Variants in BLTP3B observed in about 807,000 individuals in gnomAD.
The protein encoded by BLTP3B is bridge-like lipid transfer protein family member 3B, also known as UHRF1 (ICBP90) binding protein 1-like.
chr12:100,053,391 G>C, the BLTP3B span, among the ~76,000 whole-genome samples: 1 of 152,068 alleles, frequency 6.6e-6, no homozygotes, highest in Non-Finnish European at 1.5e-5. Context: ...CTGGGCAACA[G>C]AGTGAGACTT....
At chr12:100,105,403 T>C in the BLTP3B span, among the ~76,000 whole-genome samples, 1 of 151,888 alleles carries the variant, frequency 6.6e-6, no homozygotes, top group Non-Finnish European at 1.5e-5. Flanking sequence ...AACAATCAAC[T>C]GATCTTTGAC....
At chr12:100,072,915 G>T in the BLTP3B span, 1 of 1,278,026 alleles carries the variant, frequency 7.8e-7, no homozygotes, top group Non-Finnish European at 1.1e-6. Flanking sequence ...ACAAAACTTT[G>T]CTAATGGTTA....
At chr12:100,104,201 T>C in the BLTP3B span, among the ~76,000 whole-genome samples, 8 of 150,558 alleles carry the variant, frequency 5.3e-5, no homozygotes, top group African/African-American at 2.0e-4. Flanking sequence ...AAGTTCTTTT[T>C]TTCTTTTTTT....
chr12:100,074,319 C>T, the BLTP3B span, among the ~76,000 whole-genome samples: 1 of 152,096 alleles, frequency 6.6e-6, no homozygotes, highest in Non-Finnish European at 1.5e-5. Flanking sequence ...AAGAACTGGG[C>T]CAGGCATGAT....
the BLTP3B span, chr12:100,058,984 G>A: frequency 4.1e-5 from 66 of 1,613,932 alleles, no homozygotes; most frequent in East Asian, 3.6e-4. Context: ...AGCTTCTTCC[G>A]CTTCAATCGG....
chr12:100,042,288 C>T, the BLTP3B span, among the ~76,000 whole-genome samples: 3 of 151,916 alleles, frequency 2.0e-5, no homozygotes, highest in African/African-American at 7.3e-5. Context: ...TTTTAAAATT[C>T]ATATGGAATT....
the BLTP3B span, among the ~76,000 whole-genome samples, chr12:100,136,235 C>G: frequency 1.3e-5 from 2 of 151,282 alleles, no homozygotes; most frequent in African/African-American, 4.8e-5. Context: ...ACACCTCAAA[C>G]CTACTCAAGT....
At chr12:100,128,378 G>A in the BLTP3B span, among the ~76,000 whole-genome samples, 5 of 152,000 alleles carry the variant, frequency 3.3e-5, no homozygotes, top group Admixed American at 2.0e-4. Context: ...ACTACAGGGC[G>A]AGACTCAGTC....
the BLTP3B span, among the ~76,000 whole-genome samples, chr12:100,134,510 G>A: frequency 3.9e-5 from 6 of 152,064 alleles, no homozygotes; most frequent in Non-Finnish European, 7.4e-5. Context: ...CCAGCCACTC[G>A]GGAGGCTGAG....
the BLTP3B span, among the ~76,000 whole-genome samples, chr12:100,057,035 T>A: frequency 6.6e-6 from 1 of 152,156 alleles, no homozygotes; most frequent in Non-Finnish European, 1.5e-5. Context: ...TGTCTCTCAA[T>A]AAAATGGGAA....
chr12:100,059,264 AATTTCATGC>A, the BLTP3B span: 1 of 1,613,874 alleles, frequency 6.2e-7, no homozygotes, highest in Non-Finnish European at 8.5e-7. Context: ...TTCCTTTATA[AATTTCATGC>A]ATTTTGGTAT....
the BLTP3B span, among the ~76,000 whole-genome samples, chr12:100,110,496 C>T: frequency 1.7e-3 from 254 of 152,254 alleles, no homozygotes; most frequent in African/African-American, 5.6e-3. Flanking sequence ...GAAGACAACA[C>T]TCAATAAGTA....
At chr12:100,117,225 G>A in the BLTP3B span, among the ~76,000 whole-genome samples, 1 of 152,182 alleles carries the variant, frequency 6.6e-6, no homozygotes, top group Non-Finnish European at 1.5e-5. Flanking sequence ...AAAATGTTCA[G>A]TAAGAAAATG....
chr12:100,073,694 A>G, the BLTP3B span, among the ~76,000 whole-genome samples: 1 of 152,116 alleles, frequency 6.6e-6, no homozygotes, highest in African/African-American at 2.4e-5. Flanking sequence ...GCTCGAATTC[A>G]TTTTCCAAAA....
the BLTP3B span, chr12:100,084,747 T>C: frequency 6.6e-6 from 9 of 1,355,250 alleles, no homozygotes; most frequent in African/African-American, 1.3e-4. Flanking sequence ...ATTTAGTCGT[T>C]TATTCAAGAA....
At chr12:100,131,623 TATA>T in the BLTP3B span, among the ~76,000 whole-genome samples, 1 of 152,170 alleles carries the variant, frequency 6.6e-6, no homozygotes, top group African/African-American at 2.4e-5. Context: ...TATTAGTGAA[TATA>T]ATGTCTGAAA....
At chr12:100,070,040 G>GA in the BLTP3B span, 1 of 1,374,308 alleles carries the variant, frequency 7.3e-7, no homozygotes. Context: ...ATACAGTGGA[G>GA]AAAAAACAAT....
the BLTP3B span, chr12:100,092,701 G>A: frequency 1.0e-3 from 155 of 154,948 alleles, no homozygotes; most frequent in Non-Finnish European, 1.8e-3. Flanking sequence ...CATATTATAA[G>A]AGCTATATAG....
At chr12:100,128,244 A>C in the BLTP3B span, among the ~76,000 whole-genome samples, 1 of 152,234 alleles carries the variant, frequency 6.6e-6, no homozygotes, top group Non-Finnish European at 1.5e-5. Flanking sequence ...TTAAAAGTAG[A>C]TCAAATGCTA....
Sources: allele counts gnomAD v4.1 joint callset (sites outside exome capture counted in the v4.1 genomes callset), GRCh38; gene constraint gnomAD v4.1.1; transcripts MANE v1.5; gene names NCBI Gene and HGNC (gene_info 2026-07-23, HGNC 2026-07-21).